Variants in ADAMTS20 observed in about 807,000 individuals in gnomAD.
ADAMTS20 encodes the protein A disintegrin and metalloproteinase with thrombospondin motifs 20.
In ADAMTS20, 225 loss-of-function variants were observed where a neutral mutation model predicts 260.1. That is an observed-to-expected ratio of 0.87 (90% CI 0.78 to 0.97). ADAMTS20 has a LOEUF of 0.97. ADAMTS20 is among the 50% of genes least tolerant of loss of function. ADAMTS20 has a pLI of 0.00. For missense variants in ADAMTS20, 2,400 were observed against 2,337.7 expected (o/e 1.03, Z -0.55); for synonymous variants, 802 against 769.5 (o/e 1.04, Z -0.70).
rs749434282 is a variant in ADAMTS20, at chr12:43,452,649, G to A, written c.1807C>T (p.Arg603Ter). The A allele has an allele frequency of 1.9e-6, 3 of 1,611,274 alleles. No individual in the cohort carries two copies. Among genetic ancestry groups the A allele is most frequent in the Admixed American group, 1.7e-5 (1 of 59,776 alleles). Residue 603 changes from arginine (R) to a stop codon, truncating the protein, a stop_gained, in exon 13 of 39, where the codon CGA (arginine) becomes TGA (stop). Coordinates refer to ENST00000389420, the MANE Select transcript of ADAMTS20 (RefSeq NM_025003.5). LOFTEE classifies it high-confidence loss of function. ...GGACATGAATCAGTATTACATGATC[G>A]AAATTTCATCCTGCGGCCCACACAG... ...NYCVGRRMKFRSCNTDSCPKG... is the reference protein window; with the variant it reads ...NYCVGRRMKF
chr12:43,428,612 T>C (rs1941380894), intron 25 of ADAMTS20, 23 bp downstream of exon 25: 1 of 1,500,636 alleles, frequency 6.7e-7, no homozygotes, highest in African/African-American at 1.4e-5. Flanking sequence ...TTCATTTTCT[T>C]TTTTTCTCAT....
At position 43,545,161 on chromosome 12, in the gene ADAMTS20, T is replaced by C. The variant is rs556618042; in HGVS notation, c.453+5748A>G. Among the ~76,000 whole-genome samples the C allele has an allele frequency of 9.2e-5, 14 of 152,310 alleles. No individual in the cohort carries two copies. In the South Asian group the frequency reaches 1.4e-3, roughly 16 times the overall value. On this transcript the variant is annotated intron_variant, in intron 2 of 38. Transcript: ENST00000389420. ...ATTACTTTAAATAGCCTCTCTTCCTTACCCGCAGTAGGGTAATAGACTACA... is the reference window on the plus strand; with the variant it reads ...ATTACTTTAAATAGCCTCTCTTCCTCACCCGCAGTAGGGTAATAGACTACA...
At chr12:43,534,542 T>C (rs545148652) in intron 2 of ADAMTS20, among the ~76,000 whole-genome samples, 2 of 152,306 alleles carry the variant, frequency 1.3e-5, no homozygotes, top group South Asian at 4.1e-4. Context: ...ATAACATTGT[T>C]TTTAATAGCA....
chr12:43,406,172 A>G (rs1407154110), intron 28 of ADAMTS20, among the ~76,000 whole-genome samples: 1 of 152,208 alleles, frequency 6.6e-6, no homozygotes, highest in African/African-American at 2.4e-5. Flanking sequence ...ACATATTATA[A>G]TAGCTAAAGA....
At chr12:43,440,374 C>G (rs544503264) in intron 16 of ADAMTS20, among the ~76,000 whole-genome samples, 8 of 152,258 alleles carry the variant, frequency 5.3e-5, no homozygotes, top group South Asian at 2.1e-4. Context: ...GTCTCGAACT[C>G]CTGACCTCAG....
At chr12:43,404,178 GACACACACACACACACACACACACACAC>G (rs3031172) in intron 28 of ADAMTS20, among the ~76,000 whole-genome samples, 2 of 145,902 alleles carry the variant, frequency 1.4e-5, no homozygotes, top group Non-Finnish European at 3.0e-5. Flanking sequence ...ATATTGTGGG[GACACACACACACACACACACACACACAC>G]ACACACACAC....
chr12:43,518,851 C>G (rs1943034182), intron 3 of ADAMTS20, among the ~76,000 whole-genome samples: 1 of 149,946 alleles, frequency 6.7e-6, no homozygotes, highest in South Asian at 2.1e-4. Flanking sequence ...AATCTGACAA[C>G]TCTCTTACTC....
intron 37 of ADAMTS20, among the ~76,000 whole-genome samples, chr12:43,369,022 C>T (rs572472517): frequency 6.6e-5 from 10 of 152,020 alleles, no homozygotes; most frequent in Admixed American, 2.0e-4. Flanking sequence ...ATGGACTAAA[C>T]GGAAAGATGA....
chr12:43,507,967 C>G (rs1324962228), intron 3 of ADAMTS20, among the ~76,000 whole-genome samples: 1 of 152,002 alleles, frequency 6.6e-6, no homozygotes, highest in Non-Finnish European at 1.5e-5. Flanking sequence ...AGTGGAACAA[C>G]AGACACTAGG....
chr12:43,372,383 T>A lies in ADAMTS20; in HGVS notation c.5446+2996A>T, dbSNP rs186968718. On this transcript the variant is annotated intron_variant, in intron 36 of 38. Transcript: ENST00000389420. ...ATGTAAGATGGAAAACAAGACTTTA[T>A]CATTGAATTTAAGGAAACAGGTTAT... is the stretch of plus-strand genomic sequence containing the variant. Among the ~76,000 whole-genome samples, 23 of 152,326 alleles carry A rather than the reference T, an allele frequency of 1.5e-4. 1 individual carries two copies. The highest frequency in any genetic ancestry group is 1.3e-3 in the Admixed American group (20 of 15,304).
intron 11 of ADAMTS20, among the ~76,000 whole-genome samples, chr12:43,455,275 G>A (rs941877450): frequency 1.9e-4 from 29 of 152,288 alleles, no homozygotes; most frequent in African/African-American, 6.7e-4. Context: ...ATTTTGTGCT[G>A]CTATATAAGA....
chr12:43,513,692 A>G (rs2137467212), intron 3 of ADAMTS20, among the ~76,000 whole-genome samples: 1 of 152,320 alleles, frequency 6.6e-6, no homozygotes, highest in East Asian at 1.9e-4. Flanking sequence ...CTGGATTAAG[A>G]AAATATGGCA....
chr12:43,391,234 C>T (rs1174073871), intron 29 of ADAMTS20, among the ~76,000 whole-genome samples: 2 of 152,186 alleles, frequency 1.3e-5, no homozygotes, highest in Non-Finnish European at 1.5e-5. Flanking sequence ...AGTGCTCTAC[C>T]CTCATGATTT....
At position 43,549,763 on chromosome 12, in the gene ADAMTS20, T is replaced by C. The variant is rs1943488140; in HGVS notation, c.453+1146A>G. Among the ~76,000 whole-genome samples, 3 of 152,176 alleles carry C rather than the reference T, an allele frequency of 2.0e-5. No individual in the cohort carries two copies. The South Asian group carries it at 6.2e-4, about 31-fold the overall frequency. On this transcript the variant is annotated intron_variant, in intron 2 of 38. Transcript: ENST00000389420. The stretch of plus-strand genomic sequence containing the variant: ...ATGGAAGAAAGAAAGGAAATGGTTC[T>C]AGCCATTTCATGTAAAAAACAACTC...
intron 3 of ADAMTS20, among the ~76,000 whole-genome samples, chr12:43,521,470 A>T (rs1397206051): frequency 6.6e-6 from 1 of 152,198 alleles, no homozygotes; most frequent in African/African-American, 2.4e-5. Flanking sequence ...TGTTTTCAGG[A>T]AATTCTCTTC....
At chr12:43,437,386 T>C (rs1393210547) in intron 18 of ADAMTS20, among the ~76,000 whole-genome samples, 3 of 152,298 alleles carry the variant, frequency 2.0e-5, no homozygotes, top group African/African-American at 4.8e-5. Context: ...AAGATTTATG[T>C]TTCCAAATTG....
chr12:43,408,189 G>C (rs1940955025), intron 28 of ADAMTS20, among the ~76,000 whole-genome samples: 1 of 152,074 alleles, frequency 6.6e-6, no homozygotes, highest in African/African-American at 2.4e-5. Context: ...CACTGCTTTT[G>C]AAAGAATGTG....
At chr12:43,384,827 G>A (rs984901742) in intron 29 of ADAMTS20, among the ~76,000 whole-genome samples, 7 of 152,048 alleles carry the variant, frequency 4.6e-5, no homozygotes, top group Non-Finnish European at 8.8e-5. Context: ...TGTTATATAC[G>A]TGCTGCATTT....
At chr12:43,387,863 G>A (rs1300652290) in intron 29 of ADAMTS20, among the ~76,000 whole-genome samples, 1 of 152,158 alleles carries the variant, frequency 6.6e-6, no homozygotes, top group African/African-American at 2.4e-5. Context: ...TCTCAGTAAT[G>A]GCTGATGCCC....
Sources: allele counts gnomAD v4.1 joint callset (sites outside exome capture counted in the v4.1 genomes callset), GRCh38; gene constraint gnomAD v4.1.1; transcripts MANE v1.5; gene names NCBI Gene and HGNC (gene_info 2026-07-23, HGNC 2026-07-21).